Variants in SENP6 observed in about 807,000 individuals in gnomAD.
SENP6 encodes sentrin-specific protease 6.
SENP6 carries 41 observed loss-of-function variants against 134.5 expected under a neutral mutation model. That is an observed-to-expected ratio of 0.30 (90% confidence interval 0.24 to 0.40). The LOEUF is 0.40. SENP6 is among the 10% of genes least tolerant of loss of function. The probability of loss-of-function intolerance (pLI) is 1.00; values close to 1 mark genes in which losing one functional copy is unlikely to be tolerated. For synonymous variants in SENP6, 395 were observed against 429.8 expected (o/e 0.92, Z 1.00); for missense variants, 1,248 against 1,312.5 (o/e 0.95, Z 0.76).
At chr6:75,621,689 T>G (rs1768284864) in intron 2 of SENP6, 64 bp downstream of exon 2, 1 of 943,204 alleles carries the variant, frequency 1.1e-6, no homozygotes. Context: ...AAAAACAATT[T>G]CTATTGTATG....
At position 75,675,963 on chromosome 6, in the gene SENP6, TC is replaced by T; in HGVS notation, c.1532del (p.Pro511GlnfsTer7). The T allele has an allele frequency of 6.2e-7, 1 of 1,612,868 alleles. No individual in the cohort carries two copies. Among genetic ancestry groups the T allele is most frequent in the Non-Finnish European group, 8.5e-7 (1 of 1,179,370 alleles). The part of the protein sequence containing the change: ...KLPVVFLQAI[P>X]AVYQKLSIQL... Reference sequence around the variant, plus strand: ...TACCTGTAGTGTTTCTTCAAGCAATTCCAGCAGTTTATCAAAAGCTGAGCAT... The same window carrying T: ...TACCTGTAGTGTTTCTTCAAGCAATTCAGCAGTTTATCAAAAGCTGAGCAT... On this transcript the variant is annotated frameshift_variant, in exon 13 of 24. Coordinates refer to ENST00000447266, the MANE Select transcript of SENP6 (RefSeq NM_015571.4). LOFTEE classifies it high-confidence loss of function.
At chr6:75,636,138 T>C (rs1769494532) in intron 5 of SENP6, among the ~76,000 whole-genome samples, 1 of 152,174 alleles carries the variant, frequency 6.6e-6, no homozygotes, top group Non-Finnish European at 1.5e-5. Flanking sequence ...ATGTGTATTA[T>C]TGCTCATTTA....
chr6:75,694,146 A>G (rs1170183037), intron 16 of SENP6, among the ~76,000 whole-genome samples: 1 of 152,048 alleles, frequency 6.6e-6, no homozygotes, highest in Admixed American at 6.6e-5. Context: ...ATCCCAACTA[A>G]TCAGGAGGCT....
chr6:75,671,097 T>C (rs1428995725), intron 11 of SENP6, among the ~76,000 whole-genome samples: 1 of 152,186 alleles, frequency 6.6e-6, no homozygotes, highest in Non-Finnish European at 1.5e-5. Context: ...TATTATAGCA[T>C]CAAGACTCCT....
rs187903068 is a variant in SENP6 at position 75,663,328 on chromosome 6, A to G, written c.804A>G (p.Thr268=). The G allele has an allele frequency of 1.9e-4, 305 of 1,613,846 alleles. No individual in the cohort carries two copies. The African/African-American group carries it at 3.7e-3, about 20-fold the overall frequency. The stretch of plus-strand genomic sequence containing the variant: ...CTGGAGGACAGAAGTCACAAAACAC[A>G]GGATTAACAACCAAGAAGTTTTATG... ...QNSGGQKSQN[T]GLTTKKFYGN... Residue 268 remains threonine (T), a synonymous_variant, in exon 9 of 24, where the codon ACA becomes ACG. Coordinates refer to ENST00000447266, the MANE Select transcript of SENP6 (RefSeq NM_015571.4).
intron 1 of SENP6, among the ~76,000 whole-genome samples, chr6:75,618,331 A>G (rs1160579474): frequency 2.0e-5 from 3 of 152,204 alleles, no homozygotes; most frequent in Admixed American, 6.5e-5. Context: ...TTATAACCCA[A>G]TGCCGATGTT....
At chr6:75,647,702 G>A (rs751585405) in intron 6 of SENP6, 29 bp from the exon 7 acceptor site, 1 of 1,477,668 alleles carries the variant, frequency 6.8e-7, no homozygotes, top group Non-Finnish European at 9.4e-7. Flanking sequence ...TTTCCTGTTA[G>A]AATAAAACTA....
chr6:75,713,641 T>A, intron 22 of SENP6, 34 bp from the exon 23 acceptor site: 1 of 1,590,568 alleles, frequency 6.3e-7, no homozygotes, highest in South Asian at 1.1e-5. Flanking sequence ...TATTTATATA[T>A]GTGTGTATTC....
chr6:75,698,765 C>CT (rs1433687763), intron 18 of SENP6, among the ~76,000 whole-genome samples: 1 of 151,986 alleles, frequency 6.6e-6, no homozygotes, highest in Non-Finnish European at 1.5e-5. Flanking sequence ...AATCCCAACA[C>CT]TTTGAGAGGC....
At chr6:75,635,964 T>C (rs1769478949) in intron 5 of SENP6, among the ~76,000 whole-genome samples, 1 of 152,138 alleles carries the variant, frequency 6.6e-6, no homozygotes, top group Admixed American at 6.5e-5. Context: ...AATTATTACA[T>C]TATTTTTGCT....
intron 2 of SENP6, chr6:75,622,766 C>A (rs1157234300): frequency 1.6e-6 from 2 of 1,287,904 alleles, no homozygotes; most frequent in East Asian, 5.6e-5. Flanking sequence ...TCACTTCTGT[C>A]TGGGCAACAG....
intron 16 of SENP6, among the ~76,000 whole-genome samples, chr6:75,681,495 C>G (rs908211810): frequency 1.3e-5 from 2 of 150,632 alleles, no homozygotes; most frequent in African/African-American, 4.9e-5. Context: ...GTCTTGCTCT[C>G]TCACCCAGTC....
intron 7 of SENP6, among the ~76,000 whole-genome samples, chr6:75,658,552 G>A (rs1771518118): frequency 6.6e-6 from 1 of 151,900 alleles, no homozygotes; most frequent in Admixed American, 6.6e-5. Flanking sequence ...GCCTGTTTTG[G>A]AGTTCATCAA....
intron 6 of SENP6, among the ~76,000 whole-genome samples, chr6:75,644,817 A>G (rs1329502142): frequency 6.6e-6 from 1 of 152,180 alleles, no homozygotes; most frequent in Non-Finnish European, 1.5e-5. Flanking sequence ...TTAGTTCGTA[A>G]TAGTGTACCA....
At chr6:75,640,412 A>G (rs1769933576) in intron 5 of SENP6, among the ~76,000 whole-genome samples, 1 of 152,334 alleles carries the variant, frequency 6.6e-6, no homozygotes, top group Non-Finnish European at 1.5e-5. Context: ...GTATTCTAAC[A>G]TATCTTCAAG....
chr6:75,626,330 CT>C (rs1429932900), intron 3 of SENP6, among the ~76,000 whole-genome samples: 5 of 150,374 alleles, frequency 3.3e-5, no homozygotes, highest in Non-Finnish European at 7.4e-5. Flanking sequence ...AATTATGTGG[CT>C]TAGCTTTTTA....
chr6:75,621,155 T>C (rs564596532), intron 1 of SENP6, among the ~76,000 whole-genome samples: 1 of 152,322 alleles, frequency 6.6e-6, no homozygotes, highest in African/African-American at 2.4e-5. Context: ...TCTAGCAGTC[T>C]GGATATAGTT....
intron 8 of SENP6, 110 bp downstream of exon 8, chr6:75,659,517 T>G (rs1226702385): frequency 7.3e-5 from 75 of 1,023,250 alleles, no homozygotes; most frequent in Non-Finnish European, 2.8e-6. Flanking sequence ...CAGAAGAGAC[T>G]TGGAAAACTT....
chr6:75,604,178 T>C (rs1048241261), intron 1 of SENP6, among the ~76,000 whole-genome samples: 1 of 152,210 alleles, frequency 6.6e-6, no homozygotes, highest in African/African-American at 2.4e-5. Context: ...CAAGCACAAA[T>C]AAAGCCACAG....
Sources: allele counts gnomAD v4.1 joint callset (sites outside exome capture counted in the v4.1 genomes callset), GRCh38; gene constraint gnomAD v4.1.1; transcripts MANE v1.5; gene names NCBI Gene and HGNC (gene_info 2026-07-23, HGNC 2026-07-21).